GRIA3: variants seen among roughly 807,000 people sequenced by gnomAD.
GRIA3 encodes glutamate ionotropic receptor AMPA type subunit 3.
A neutral mutation model predicts 63.0 loss-of-function variants in GRIA3; 3 were observed. The observed-to-expected ratio is 0.05, with a 90% CI of 0.02 to 0.12. The LOEUF (loss-of-function observed/expected upper bound fraction) is 0.12, where lower values mean the gene tolerates loss of function less well. GRIA3 is among the 10% of genes least tolerant of loss of function. The probability of loss-of-function intolerance (pLI) is 1.00; values close to 1 mark genes in which losing one functional copy is unlikely to be tolerated. For missense variants in GRIA3, 347 were observed against 700.9 expected (o/e 0.50, Z 5.70); for synonymous variants, 274 against 257.9 (o/e 1.06, Z -0.60).
chrX:123,255,519 G>A (rs1014572752), intron 3 of GRIA3, among the ~76,000 whole-genome samples: 2 of 108,083 alleles, frequency 1.9e-5, no homozygotes, highest in Non-Finnish European at 3.8e-5. Context: ...TTTTAAAAAC[G>A]AAATATTGGT....
At chrX:123,223,943 G>T (rs1373051131) in intron 2 of GRIA3, among the ~76,000 whole-genome samples, 1 of 111,793 alleles carries the variant, frequency 8.9e-6, no homozygotes, top group Non-Finnish European at 1.9e-5. Flanking sequence ...TGCCAAATGT[G>T]TGGGAAGAGT....
At position 123,417,673 on chromosome X, in the gene GRIA3, G is replaced by A. The variant is rs769866687; in HGVS notation, c.1772G>A (p.Arg591His). The A allele has an allele frequency of 2.8e-4, 324 of 1,177,410 alleles. 2 individuals are homozygous for A. The East Asian group carries it at 9.2e-3, about 34-fold the overall frequency. The change falls in exon 11 of 16, where the codon CGT becomes CAT. Residue 591 changes from arginine to histidine, a missense_variant. Arg to His is a conservative substitution (Grantham distance 29). Around this residue, in one of 8 missense-constraint regions of GRIA3, gnomAD observed 19 missense variants for 30.9 expected, o/e 0.61. Coordinates refer to ENST00000620443, the MANE Select transcript of GRIA3 (RefSeq NM_007325.5). The part of the protein sequence containing the change: ...WHLEDNNEEP[R>H]DPQSPPDPPN... ...TTGGAAGACAACAATGAAGAACCTCGTGACCCACAAAGTCCTCCTGATCCT... is the reference window on the plus strand; with the variant it reads ...TTGGAAGACAACAATGAAGAACCTCATGACCCACAAAGTCCTCCTGATCCT...
At chrX:123,344,599 A>C (rs1342374090) in intron 4 of GRIA3, among the ~76,000 whole-genome samples, 1 of 111,675 alleles carries the variant, frequency 9.0e-6, no homozygotes, top group Non-Finnish European at 1.9e-5. Context: ...TTCTTCATAG[A>C]ATCACTTCCA....
intron 2 of GRIA3, among the ~76,000 whole-genome samples, chrX:123,215,370 A>G (rs957931300): frequency 1.8e-5 from 2 of 112,160 alleles, no homozygotes; most frequent in East Asian, 2.8e-4. Context: ...AGCCACTGTG[A>G]GAACTAAATG....
At chrX:123,361,221 C>T (rs141759974) in intron 5 of GRIA3, 1 of 111,586 alleles carries the variant, frequency 9.0e-6, no homozygotes, top group African/African-American at 3.3e-5. Flanking sequence ...AACAACTATT[C>T]CCTTCTCTCT....
intron 2 of GRIA3, among the ~76,000 whole-genome samples, chrX:123,235,824 TA>T (rs201918042): frequency 0.2 from 20,225 of 100,913 alleles, 1,724 homozygotes; most frequent in Non-Finnish European, 0.27. Flanking sequence ...CCAGATACAT[TA>T]AAAAAAAAAA....
chrX:123,280,557 T>C (rs1238535144), intron 3 of GRIA3, among the ~76,000 whole-genome samples: 1 of 112,138 alleles, frequency 8.9e-6, no homozygotes, highest in Non-Finnish European at 1.9e-5. Flanking sequence ...AAACAACGTA[T>C]CTAGTTTGGT....
intron 4 of GRIA3, among the ~76,000 whole-genome samples, chrX:123,351,263 A>G (rs1423311881): frequency 9.0e-6 from 1 of 111,558 alleles, no homozygotes; most frequent in Non-Finnish European, 1.9e-5. Flanking sequence ...TCCATTATGC[A>G]TCGCACTAAG....
chrX:123,207,272 G>A (rs1004166742), intron 2 of GRIA3, among the ~76,000 whole-genome samples: 24 of 111,771 alleles, frequency 2.1e-4, no homozygotes, highest in African/African-American at 7.8e-4. Context: ...GATACTGCTA[G>A]GAATAGTATT....
At chrX:123,378,304 T>C (rs1055870655) in intron 5 of GRIA3, among the ~76,000 whole-genome samples, 1 of 112,017 alleles carries the variant, frequency 8.9e-6, no homozygotes, top group Admixed American at 9.5e-5. Flanking sequence ...CTGCTGACCT[T>C]CTTTCCTCTA....
At chrX:123,261,449 A>G (rs925475625) in intron 3 of GRIA3, among the ~76,000 whole-genome samples, 3 of 112,051 alleles carry the variant, frequency 2.7e-5, no homozygotes, top group East Asian at 2.8e-4. Context: ...TCTCCAGAAA[A>G]TGACGATTAA....
At chrX:123,208,729 A>T (rs1927961056) in intron 2 of GRIA3, among the ~76,000 whole-genome samples, 1 of 111,990 alleles carries the variant, frequency 8.9e-6, no homozygotes, top group South Asian at 3.7e-4. Flanking sequence ...CCTTTCTCCA[A>T]ACACAGCTAG....
At chrX:123,450,939 C>G (rs1487407716) in intron 12 of GRIA3, among the ~76,000 whole-genome samples, 1 of 111,755 alleles carries the variant, frequency 8.9e-6, no homozygotes, top group Non-Finnish European at 1.9e-5. Context: ...ATAGCGTTAG[C>G]AAAGGCCCTG....
At chrX:123,373,032 C>T (rs929051800) in intron 5 of GRIA3, among the ~76,000 whole-genome samples, 52 of 108,671 alleles carry the variant, frequency 4.8e-4, no homozygotes, top group Admixed American at 1.2e-3. Context: ...CACCCCACAA[C>T]AGGCCCCGGT....
intron 3 of GRIA3, among the ~76,000 whole-genome samples, chrX:123,303,267 G>T (rs2044734784): frequency 9.0e-6 from 1 of 110,614 alleles, no homozygotes; most frequent in African/African-American, 3.3e-5. Context: ...GCAGTGCTTT[G>T]GTTCAGCTAG....
intron 7 of GRIA3, 90 bp downstream of exon 7, chrX:123,398,893 A>G: frequency 4.2e-6 from 3 of 706,739 alleles, no homozygotes; most frequent in Non-Finnish European, 6.7e-6. Flanking sequence ...ACATACTAAA[A>G]GGAATAGGAC....
At chrX:123,414,462 G>A (rs946763428) in intron 10 of GRIA3, among the ~76,000 whole-genome samples, 4 of 110,798 alleles carry the variant, frequency 3.6e-5, no homozygotes, top group Non-Finnish European at 5.7e-5. Flanking sequence ...TAGGGTACAC[G>A]TGCACAACGT....
intron 2 of GRIA3, among the ~76,000 whole-genome samples, chrX:123,246,262 A>G (rs2147278536): frequency 8.9e-6 from 1 of 112,277 alleles, no homozygotes; most frequent in Non-Finnish European, 1.9e-5. Context: ...GTAAAAAATT[A>G]CCACAAACTT....
At chrX:123,342,287 T>G (rs2045014031) in intron 4 of GRIA3, among the ~76,000 whole-genome samples, 1 of 112,084 alleles carries the variant, frequency 8.9e-6, no homozygotes, top group Non-Finnish European at 1.9e-5. Context: ...ACAATTAAGA[T>G]CCATCTGGGA....
Sources: allele counts gnomAD v4.1 joint callset (sites outside exome capture counted in the v4.1 genomes callset), GRCh38; gene constraint gnomAD v4.1.1; regional missense constraint gnomAD v4.1.1; transcripts MANE v1.5; gene names NCBI Gene and HGNC (gene_info 2026-07-23, HGNC 2026-07-21).